ANKRD6: variants seen among roughly 807,000 people sequenced by gnomAD.
ANKRD6 encodes the protein ankyrin repeat domain 6, also known as ankyrin repeat domain-containing protein 6.
ANKRD6 carries 56 observed loss-of-function variants against 82.3 expected under a neutral mutation model. The ratio of observed to expected loss-of-function variants is 0.68; its 90% CI spans 0.55 to 0.85. ANKRD6 has a LOEUF of 0.85. ANKRD6 is among the 40% of genes least tolerant of loss of function. The probability of loss-of-function intolerance (pLI) is 0.00; values close to 1 mark genes in which losing one functional copy is unlikely to be tolerated. For missense variants in ANKRD6, 852 were observed against 907.6 expected (o/e 0.94, Z 0.79); for synonymous variants, 347 against 352.1 (o/e 0.99, Z 0.16).
At chr6:89,585,764 C>T (rs1356493135) in intron 2 of ANKRD6, among the ~76,000 whole-genome samples, 2 of 152,128 alleles carry the variant, frequency 1.3e-5, no homozygotes, top group Non-Finnish European at 2.9e-5. Flanking sequence ...AAAAATTAAC[C>T]GAGCTTGATG....
intron 2 of ANKRD6, among the ~76,000 whole-genome samples, chr6:89,567,500 C>T (rs1228290129): frequency 1.3e-5 from 2 of 152,108 alleles, no homozygotes; most frequent in Non-Finnish European, 2.9e-5. Context: ...TGTATGATGA[C>T]GGCCTGGACC....
intron 5 of ANKRD6, among the ~76,000 whole-genome samples, chr6:89,606,888 G>T (rs1043921572): frequency 6.6e-6 from 1 of 151,802 alleles, no homozygotes; most frequent in Non-Finnish European, 1.5e-5. Flanking sequence ...GGCCTTTTTT[G>T]GCCAGGTGCA....
chr6:89,464,570 C>T (rs1006448323), intron 1 of ANKRD6, among the ~76,000 whole-genome samples: 1 of 152,192 alleles, frequency 6.6e-6, no homozygotes, highest in African/African-American at 2.4e-5. Flanking sequence ...TCACATGTGA[C>T]CCACCAGAGT....
At chr6:89,450,613 G>A (rs1772686718) in intron 1 of ANKRD6, among the ~76,000 whole-genome samples, 1 of 152,022 alleles carries the variant, frequency 6.6e-6, no homozygotes. Flanking sequence ...GAATTCCTGG[G>A]CTAAAACAAT....
chr6:89,493,584 A>T (rs762302963), intron 1 of ANKRD6, among the ~76,000 whole-genome samples: 3 of 151,120 alleles, frequency 2.0e-5, no homozygotes, highest in South Asian at 4.2e-4. Context: ...TAATTTTTAA[A>T]TTTTTTTTTG....
chr6:89,499,361 T>C (rs1435776147), intron 1 of ANKRD6, among the ~76,000 whole-genome samples: 1 of 152,198 alleles, frequency 6.6e-6, no homozygotes, highest in Non-Finnish European at 1.5e-5. Context: ...GTGAGCCTGC[T>C]TTTTTGTTAC....
At chr6:89,481,104 T>C (rs1776755836) in intron 1 of ANKRD6, among the ~76,000 whole-genome samples, 1 of 152,118 alleles carries the variant, frequency 6.6e-6, no homozygotes, top group South Asian at 2.1e-4. Flanking sequence ...ATTTTTTCCT[T>C]GCATTTAAAA....
intron 2 of ANKRD6, among the ~76,000 whole-genome samples, chr6:89,592,824 C>T (rs1795164296): frequency 2.0e-5 from 3 of 152,134 alleles, no homozygotes; most frequent in Admixed American, 6.5e-5. Flanking sequence ...GCACATGGCT[C>T]ACACCTGTAA....
intron 9 of ANKRD6, 27 bp from the exon 10 acceptor site, chr6:89,621,895 T>C (rs776890288): frequency 1.9e-6 from 3 of 1,607,602 alleles, no homozygotes; most frequent in African/African-American, 2.7e-5. Flanking sequence ...CACCAGTGGT[T>C]GTAACAATGC....
chr6:89,545,751 C>G lies in ANKRD6; in HGVS notation c.-143-21083C>G, dbSNP rs1216562927. ...ATGATAATAGCAATAATAATCATGG[C>G]TACCATTTACTGACCATTATTAAAA... On this transcript the variant is annotated intron_variant, in intron 1 of 15. Transcript: ENST00000339746. 2.0e-5 allele frequency among the ~76,000 whole-genome samples: 3 copies of G among 152,298 alleles called. No homozygotes were observed. The East Asian group carries it at 5.8e-4, about 29-fold the overall frequency.
At chr6:89,509,856 G>T (rs563847030) in intron 1 of ANKRD6, among the ~76,000 whole-genome samples, 3 of 152,310 alleles carry the variant, frequency 2.0e-5, no homozygotes, top group Admixed American at 1.3e-4. Context: ...ACAGCATTGG[G>T]ATTTAAGCCA....
chr6:89,501,153 G>T (rs1348066385), intron 1 of ANKRD6, among the ~76,000 whole-genome samples: 2 of 151,924 alleles, frequency 1.3e-5, no homozygotes, highest in Non-Finnish European at 2.9e-5. Flanking sequence ...TCGTCATTGA[G>T]GTTTACTTGT....
Position 89,566,925 on chromosome 6 carries a change from G to C in ANKRD6, c.-52G>C. Reference sequence around the variant, plus strand: ...CAGGCCGGGCCAGTGACTTCGTGTTGAGCTGAAGGAACTTGTCTACCGCTT... The same window carrying C: ...CAGGCCGGGCCAGTGACTTCGTGTTCAGCTGAAGGAACTTGTCTACCGCTT... On this transcript the variant is annotated 5_prime_UTR_variant, in exon 2 of 16. An upstream open reading frame in the 5' UTR loses its in-frame stop. Coordinates refer to ENST00000339746, the MANE Select transcript of ANKRD6 (RefSeq NM_001242809.2). 6.5e-7 allele frequency: 1 copy of C among 1,549,910 alleles called. No homozygotes were observed. The highest frequency in any genetic ancestry group is 8.7e-7 in the Non-Finnish European group (1 of 1,145,850).
intron 1 of ANKRD6, among the ~76,000 whole-genome samples, chr6:89,545,760 A>G (rs933538955): frequency 1.3e-5 from 2 of 152,192 alleles, no homozygotes; most frequent in Admixed American, 6.5e-5. Flanking sequence ...GCTACCATTT[A>G]CTGACCATTA....
At chr6:89,542,709 C>CT (rs1784583499) in intron 1 of ANKRD6, among the ~76,000 whole-genome samples, 1 of 152,204 alleles carries the variant, frequency 6.6e-6, no homozygotes, top group Non-Finnish European at 1.5e-5. Context: ...AGGACGTTGT[C>CT]TTTTAACCTC....
chr6:89,506,762 A>G (rs144986242), intron 1 of ANKRD6, among the ~76,000 whole-genome samples: 169 of 152,352 alleles, frequency 1.1e-3, no homozygotes, highest in African/African-American at 3.8e-3. Flanking sequence ...AATTTTGCAC[A>G]GGTGACTTTA....
At chr6:89,536,051 G>A (rs537528391) in intron 1 of ANKRD6, among the ~76,000 whole-genome samples, 1 of 152,258 alleles carries the variant, frequency 6.6e-6, no homozygotes, top group Non-Finnish European at 1.5e-5. Flanking sequence ...CCAACATGGT[G>A]GAAACACCAT....
At chr6:89,566,453 CA>C (rs1218903543) in intron 1 of ANKRD6, among the ~76,000 whole-genome samples, 2 of 152,226 alleles carry the variant, frequency 1.3e-5, no homozygotes, top group Non-Finnish European at 2.9e-5. Flanking sequence ...AAAATCCAAC[CA>C]GGGGGCCTTT....
chr6:89,484,361 T>C (rs55967325), intron 1 of ANKRD6, among the ~76,000 whole-genome samples: 8,460 of 152,292 alleles, frequency 0.056, 261 homozygotes, highest in South Asian at 0.13. Flanking sequence ...TTATAAGTCC[T>C]TTACTAACTG....
Sources: allele counts gnomAD v4.1 joint callset (sites outside exome capture counted in the v4.1 genomes callset), GRCh38; gene constraint gnomAD v4.1.1; transcripts MANE v1.5; gene names NCBI Gene and HGNC (gene_info 2026-07-23, HGNC 2026-07-21).